RSL24D1: variants seen among roughly 807,000 people sequenced by gnomAD.
The protein encoded by RSL24D1 is ribosomal L24 domain containing 1, also known as probable ribosome biogenesis protein RLP24.
Under a neutral mutation model 26.2 loss-of-function variants are expected in RSL24D1, and 6 were observed. The ratio of observed to expected loss-of-function variants is 0.23; its 90% confidence interval spans 0.13 to 0.45. RSL24D1 has a LOEUF of 0.45. RSL24D1 is among the 20% of genes least tolerant of loss of function. The pLI, the probability that RSL24D1 is intolerant of heterozygous loss-of-function variation, is 0.99. For missense variants in RSL24D1, 176 were observed against 202.6 expected, an observed-to-expected ratio of 0.87 and a Z score of 0.80; for synonymous variants, 61 against 59.1, an observed-to-expected ratio of 1.03 and a Z score of -0.15.
chr15:55,183,762 T>C (rs1297679347), intron 4 of RSL24D1, among the ~76,000 whole-genome samples: 2 of 152,210 alleles, frequency 1.3e-5, no homozygotes, highest in Admixed American at 1.3e-4. Context: ...AAACTCAAAG[T>C]GGTTTTTTAG....
At chr15:55,182,934 G>A (rs1421686157) in intron 5 of RSL24D1, among the ~76,000 whole-genome samples, 1 of 152,162 alleles carries the variant, frequency 6.6e-6, no homozygotes, top group Non-Finnish European at 1.5e-5. Context: ...CAGACTCAAA[G>A]AGCCTGGGCC....
rs775699152 is a variant in RSL24D1 at position 55,183,418 on chromosome 15, A to G, written c.333-18T>C. 6.3e-7 allele frequency: 1 copy of G among 1,594,192 alleles called. No individual in the cohort carries two copies. The highest frequency in any genetic ancestry group is 8.6e-7 in the Non-Finnish European group (1 of 1,163,750). On this transcript the variant is annotated intron_variant, in intron 4 of 5. Coordinates refer to ENST00000260443, the MANE Select transcript of RSL24D1 (RefSeq NM_016304.3). ...TCTTCAATCTACAACAAAACATATT[A>G]AAGCCAAAATTTCAGTTACTAACAC...
intron 1 of RSL24D1, chr15:55,195,490 C>T (rs1213357902): frequency 2.0e-5 from 3 of 152,202 alleles, no homozygotes; most frequent in Non-Finnish European, 2.9e-5. Flanking sequence ...TGTCCTTATT[C>T]TTCATCAACT....
chr15:55,185,288 T>C, intron 4 of RSL24D1, 74 bp downstream of exon 4: 1 of 1,212,360 alleles, frequency 8.2e-7, no homozygotes, highest in South Asian at 1.6e-5. Context: ...AAAAATTTTT[T>C]TAAAAAATAC....
At chr15:55,196,542 A>G (rs1894359214) in intron 1 of RSL24D1, 2 of 588,128 alleles carry the variant, frequency 3.4e-6, no homozygotes, top group Non-Finnish European at 6.2e-6. Context: ...GATTCCTGGT[A>G]GGCGCTAGCT....
rs1411923533 is a variant in RSL24D1 at position 55,196,423 on chromosome 15, T to C, written c.81+387A>G. 4.0e-5 allele frequency: 19 copies of C among 478,602 alleles called. No homozygotes were observed. The Admixed American group carries it at 4.4e-4, about 11-fold the overall frequency. The allele number at this position is 478,602 out of a possible 1,614,324, so 29.6% of individuals were successfully genotyped here. A position where few individuals can be genotyped will look rare whatever the true frequency, so the allele number is the denominator to read the frequency against. The stretch of plus-strand genomic sequence containing the variant: ...ACTTCCATCAACCTCTACACTTTAG[T>C]ATGGACCTTAGTGTAATGCCTGACA... On this transcript the variant is annotated intron_variant, in intron 1 of 5. Transcript: ENST00000260443.
chr15:55,182,111 G>C lies in RSL24D1; in HGVS notation c.*41C>G, dbSNP rs369626781. On this transcript the variant is annotated 3_prime_UTR_variant, in exon 6 of 6. Coordinates refer to ENST00000260443, the MANE Select transcript of RSL24D1 (RefSeq NM_016304.3). ...TTTAGCAGTTCCAAGTATCCAAAGG[G>C]CATTTTCAAATGTACATAAAAGAAA... is the stretch of plus-strand genomic sequence containing the variant. The C allele has an allele frequency of 1.0e-5, 12 of 1,204,852 alleles. No individual in the cohort carries two copies. The highest frequency in any genetic ancestry group is 2.3e-4 in the Middle Eastern group (1 of 4,326). 74.6% of individuals were successfully genotyped at this position (1,204,852 alleles called of 1,614,324 possible). A position where few individuals can be genotyped will look rare whatever the true frequency, so the allele number is the denominator to read the frequency against.
At chr15:55,189,570 G>A (rs1018076646) in intron 3 of RSL24D1, among the ~76,000 whole-genome samples, 9 of 152,076 alleles carry the variant, frequency 5.9e-5, no homozygotes, top group African/African-American at 9.7e-5. Flanking sequence ...ATATAAATTC[G>A]TAAACTTTCT....
At chr15:55,190,868 T>G in intron 3 of RSL24D1, 107 bp downstream of exon 3, 1 of 728,026 alleles carries the variant, frequency 1.4e-6, no homozygotes, top group Non-Finnish European at 2.3e-6. Context: ...AGCCAAGGAA[T>G]GATAAATGGA....
chr15:55,194,416 C>T (rs1467822288), intron 1 of RSL24D1: 2 of 152,106 alleles, frequency 1.3e-5, no homozygotes, highest in Non-Finnish European at 2.9e-5. Context: ...TATGTAAACA[C>T]ATATGAGGAA....
intron 5 of RSL24D1, 110 bp downstream of exon 5, chr15:55,183,205 A>G: frequency 2.8e-6 from 2 of 721,144 alleles, no homozygotes; most frequent in Non-Finnish European, 4.5e-6. Context: ...AGGCCAAATC[A>G]TATCATAAAT....
intron 4 of RSL24D1, among the ~76,000 whole-genome samples, chr15:55,185,015 A>C (rs1450351027): frequency 6.6e-6 from 1 of 152,210 alleles, no homozygotes; most frequent in Non-Finnish European, 1.5e-5. Context: ...ATAACTGGTG[A>C]GGTCTAAATA....
At chr15:55,182,617 A>G (rs1194219079) in intron 5 of RSL24D1, among the ~76,000 whole-genome samples, 2 of 152,196 alleles carry the variant, frequency 1.3e-5, no homozygotes, top group Admixed American at 6.5e-5. Context: ...CTAAAAACTT[A>G]GATAACAATG....
Position 55,191,004 on chromosome 15 carries a change from T to C in RSL24D1, c.239A>G (p.Lys80Arg), listed in dbSNP as rs200616324. Residue 80 changes from lysine to arginine, a missense_variant, in exon 3 of 6, where the codon AAA (lysine) becomes AGA (arginine). Around this residue, in one of 3 missense-constraint regions of RSL24D1, gnomAD observed 89 missense variants for 135.1 expected, o/e 0.66. Transcript: ENST00000260443. ...EFEKRRNEPI[K>R]YQRELWNKTI... ...TTTATTCCATAGCTCTCGCTGGTAT[T>C]TGATAGGTTCATTTCTACGTTTTTC... 3.1e-6 allele frequency: 5 copies of C among 1,605,246 alleles called. No individual in the cohort carries two copies. Among genetic ancestry groups the C allele is most frequent in the Non-Finnish European group, 3.4e-6 (4 of 1,177,064 alleles).
At chr15:55,188,157 G>A (rs1334231454) in intron 3 of RSL24D1, among the ~76,000 whole-genome samples, 2 of 152,130 alleles carry the variant, frequency 1.3e-5, no homozygotes, top group Admixed American at 1.3e-4. Flanking sequence ...TTAGTTTATA[G>A]ACCAAATGAT....
chr15:55,187,188 G>T (rs1321031451), intron 3 of RSL24D1, among the ~76,000 whole-genome samples: 2 of 152,140 alleles, frequency 1.3e-5, no homozygotes, highest in Non-Finnish European at 2.9e-5. Flanking sequence ...TTAAAGCAAT[G>T]TTTGTATAAA....
intron 4 of RSL24D1, 119 bp downstream of exon 4, chr15:55,185,243 G>T: frequency 1.7e-6 from 1 of 586,806 alleles, no homozygotes; most frequent in South Asian, 2.8e-5. Context: ...ATTATTCCTT[G>T]AAGTTTTTGG....
At position 55,190,159 on chromosome 15, in the gene RSL24D1, A is replaced by G. The variant is rs144369401; in HGVS notation, c.268+816T>C. On this transcript the variant is annotated intron_variant, in intron 3 of 5. Coordinates refer to ENST00000260443, the MANE Select transcript of RSL24D1 (RefSeq NM_016304.3). ...GCTACCTGGGAGGCTGAGGCAGGAG[A>G]ATTGCTTGAACCTGGGAGGCAGTGA... Among the ~76,000 whole-genome samples, 4 of 150,178 alleles carry G rather than the reference A, an allele frequency of 2.7e-5. No homozygotes were observed. The East Asian group carries it at 8.0e-4, about 30-fold the overall frequency.
intron 4 of RSL24D1, among the ~76,000 whole-genome samples, chr15:55,184,594 C>T (rs558033315): frequency 2.0e-5 from 3 of 152,224 alleles, no homozygotes; most frequent in African/African-American, 7.2e-5. Context: ...CCAGTAGGTA[C>T]AAGTTTGAGG....
Sources: allele counts gnomAD v4.1 joint callset (sites outside exome capture counted in the v4.1 genomes callset), GRCh38; gene constraint gnomAD v4.1.1; regional missense constraint gnomAD v4.1.1; transcripts MANE v1.5; gene names NCBI Gene and HGNC (gene_info 2026-07-23, HGNC 2026-07-21).